Variants in MED19 observed in about 807,000 individuals in gnomAD.
MED19 encodes mediator of RNA polymerase II transcription subunit 19.
Under a neutral mutation model 19.9 loss-of-function variants are expected in MED19, and 4 were observed. The observed-to-expected ratio is 0.20, with a 90% CI of 0.10 to 0.46. The LOEUF is 0.46. Ranked by LOEUF, MED19 falls within the 20% of genes least tolerant of loss-of-function variation. MED19 has a pLI of 0.99. For missense variants in MED19, 303 were observed against 318.7 expected, an observed-to-expected ratio of 0.95 and a Z score of 0.38; for synonymous variants, 139 against 119.6, an observed-to-expected ratio of 1.16 and a Z score of -1.06.
intron 1 of MED19, among the ~76,000 whole-genome samples, chr11:57,709,956 C>G (rs549443309): frequency 6.6e-6 from 1 of 152,342 alleles, no homozygotes; most frequent in Admixed American, 6.5e-5. Context: ...AAACCATTAT[C>G]TTTCCTGGAC....
intron 1 of MED19, among the ~76,000 whole-genome samples, chr11:57,706,248 A>G (rs1464576509): frequency 1.3e-5 from 2 of 152,058 alleles, no homozygotes; most frequent in East Asian, 3.9e-4. Flanking sequence ...CCTAGGTTCA[A>G]GTGATTCTCC....
exon 2 of MED19, chr11:57,704,979 A>G: frequency 6.2e-7 from 1 of 1,613,166 alleles, no homozygotes; most frequent in African/African-American, 1.3e-5. Context: ...TCACCGGGCC[A>G]GTGTGGAGGC....
chr11:57,710,953 A>G (rs911269777), intron 1 of MED19, among the ~76,000 whole-genome samples: 2 of 152,016 alleles, frequency 1.3e-5, no homozygotes, highest in African/African-American at 2.4e-5. Context: ...CGGCCTCCCA[A>G]AGCGCTGGGA....
exon 5 of MED19, chr11:57,704,009 C>T (rs1415795853): frequency 2.0e-6 from 3 of 1,535,404 alleles, no homozygotes; most frequent in Admixed American, 2.0e-5. Context: ...GCAGGAAAAG[C>T]CATCCTGGCA....
At chr11:57,706,563 G>C (rs1281075855) in intron 1 of MED19, among the ~76,000 whole-genome samples, 1 of 151,934 alleles carries the variant, frequency 6.6e-6, no homozygotes, top group African/African-American at 2.4e-5. Flanking sequence ...TTGAGGTCAG[G>C]AGTTCAAGAC....
At chr11:57,712,029 C>A in exon 1 of MED19, 3 of 1,535,860 alleles carry the variant, frequency 2.0e-6, no homozygotes, top group Non-Finnish European at 2.6e-6. Context: ...CCAGGAGGAG[C>A]CGTGGCCGCG....
chr11:57,709,380 T>TA (rs71470285), intron 1 of MED19, among the ~76,000 whole-genome samples: 15,145 of 138,144 alleles, frequency 0.11, 1,020 homozygotes, highest in Middle Eastern at 0.2. Flanking sequence ...AAACTCTGTT[T>TA]AAAAAAAAAA....
chr11:57,711,939 G>A (rs1485315747), intron 1 of MED19, 24 bp downstream of exon 1: 1 of 1,404,170 alleles, frequency 7.1e-7, no homozygotes, highest in Non-Finnish European at 9.3e-7. Flanking sequence ...TGATTGGCTG[G>A]CTTTGGCAAG....
rs903499949 is a variant in MED19 at position 57,703,913 on chromosome 11, G to T, written c.*125C>A. 11 of 1,389,080 alleles carry T rather than the reference G, an allele frequency of 7.9e-6. No individual in the cohort carries two copies. In the African/African-American group the frequency reaches 1.4e-4, roughly 18 times the overall value. 86.0% of individuals were successfully genotyped at this position (1,389,080 alleles called of 1,614,324 possible). ...ACTTAGTCTCAACTGAGCCCAACAGGAGCTGGCCTCTGTCCCAGCTGCAGG... is the reference window on the plus strand; with the variant it reads ...ACTTAGTCTCAACTGAGCCCAACAGTAGCTGGCCTCTGTCCCAGCTGCAGG... On this transcript the variant is annotated 3_prime_UTR_variant, in exon 5 of 5. Transcript: ENST00000431606.
At chr11:57,704,997 G>T in exon 2 of MED19, 1 of 1,613,758 alleles carries the variant, frequency 6.2e-7, no homozygotes. Context: ...GGCGGAAGCC[G>T]GCCAGCATGG....
At chr11:57,704,669 GTTTTTTTTTTTTTTTT>G (rs34198151) in intron 3 of MED19, 34 bp downstream of exon 3, 4 of 1,287,796 alleles carry the variant, frequency 3.1e-6, no homozygotes, top group South Asian at 2.8e-5. Context: ...AGAAGGTCAG[GTTTTTTTTTTTTTTTT>G]TTTTTTTTTG....
chr11:57,704,669 GTTTTTTTTTTTT>G (rs34198151), intron 3 of MED19, 38 bp downstream of exon 3: 60 of 1,287,794 alleles, frequency 4.7e-5, no homozygotes, highest in African/African-American at 8.2e-5. Flanking sequence ...AGAAGGTCAG[GTTTTTTTTTTTT>G]TTTTTTTTTT....
At chr11:57,707,656 C>T (rs999654746) in intron 1 of MED19, among the ~76,000 whole-genome samples, 1 of 152,146 alleles carries the variant, frequency 6.6e-6, no homozygotes, top group Non-Finnish European at 1.5e-5. Flanking sequence ...TATCTCTCCT[C>T]ATAACTCTGG....
Position 57,705,242 on chromosome 11 carries a change from G to A in MED19, c.218-13C>T, listed in dbSNP as rs541789832. ...AGCTCTGTGCTACCTAGACAACGCAGAATAAAAATAAAAAAGATCAGTCTT... is the reference window on the plus strand; with the variant it reads ...AGCTCTGTGCTACCTAGACAACGCAAAATAAAAATAAAAAAGATCAGTCTT... On this transcript the variant is annotated splice_polypyrimidine_tract_variant and intron_variant, in intron 1 of 4. Coordinates refer to ENST00000431606, the Ensembl canonical transcript of MED19. The A allele has an allele frequency of 1.9e-5, 30 of 1,608,312 alleles. No individual in the cohort carries two copies. In the South Asian group the frequency reaches 1.9e-4, roughly 10 times the overall value.
chr11:57,704,702 AT>A lies in MED19; in HGVS notation c.571+16del. 2 of 1,157,408 alleles carry A rather than the reference AT, an allele frequency of 1.7e-6. No individual in the cohort carries two copies. The highest frequency in any genetic ancestry group is 1.2e-6 in the Non-Finnish European group (1 of 834,716). The allele number at this position is 1,157,408 out of a possible 1,614,324, so 71.7% of individuals were successfully genotyped here. On this transcript the variant is annotated intron_variant, in intron 3 of 4. Transcript: ENST00000431606. ...TTTTTTTTTTTTTTTTTTGCTTTGA[AT>A]AGAACTGCTTCTTACCTGGGGGGAC...
exon 5 of MED19, chr11:57,703,751 CAG>C: frequency 2.9e-6 from 1 of 346,682 alleles, no homozygotes; most frequent in Non-Finnish European, 5.1e-6. Flanking sequence ...AAAGAAAACA[CAG>C]AACAAGTCCT....
rs371591554 is a variant in MED19 at position 57,705,373 on chromosome 11, C to T, written c.218-144G>A. 7.4e-5 allele frequency: 73 copies of T among 980,300 alleles called. 1 individual carries two copies. The East Asian group carries it at 8.1e-4, about 11-fold the overall frequency. 60.7% of individuals were successfully genotyped at this position (980,300 alleles called of 1,614,324 possible). The stretch of plus-strand genomic sequence containing the variant: ...TTATTTTTAAAGAAACAGAGCAGGC[C>T]GGATGCAGTGGCTCATGCCTGTAAT... On this transcript the variant is annotated intron_variant, in intron 1 of 4. Coordinates refer to ENST00000431606, the Ensembl canonical transcript of MED19.
intron 1 of MED19, among the ~76,000 whole-genome samples, chr11:57,710,862 A>G (rs559411361): frequency 1.1e-4 from 17 of 152,018 alleles, no homozygotes; most frequent in Non-Finnish European, 2.4e-4. Flanking sequence ...CGCCCGGTTA[A>G]TCTTGTATAT....
chr11:57,706,405 G>A (rs1310683216), intron 1 of MED19, among the ~76,000 whole-genome samples: 3 of 151,760 alleles, frequency 2.0e-5, no homozygotes, highest in Non-Finnish European at 4.4e-5. Flanking sequence ...CCGCCGCCTC[G>A]GTTTTCCAAA....
Sources: allele counts gnomAD v4.1 joint callset (sites outside exome capture counted in the v4.1 genomes callset), GRCh38; gene constraint gnomAD v4.1.1; transcripts MANE v1.5; gene names NCBI Gene and HGNC (gene_info 2026-07-23, HGNC 2026-07-21).